PTPRD: variants seen among roughly 807,000 people sequenced by gnomAD.
PTPRD encodes the protein receptor-type tyrosine-protein phosphatase delta.
Under a neutral mutation model 214.5 loss-of-function variants are expected in PTPRD, and 34 were observed. The observed-to-expected ratio is 0.16, with a 90% CI of 0.12 to 0.21. The LOEUF (loss-of-function observed/expected upper bound fraction) is 0.21, where lower values mean the gene tolerates loss of function less well. Among genes scored for constraint, PTPRD ranks in the 10% least tolerant of loss-of-function variants. The probability of loss-of-function intolerance (pLI) is 1.00; values close to 1 mark genes in which losing one functional copy is unlikely to be tolerated. For synonymous variants in PTPRD, 1,128 were observed against 845.7 expected, an observed-to-expected ratio of 1.33 and a Z score of -5.79; for missense variants, 2,545 against 2,398.7, an observed-to-expected ratio of 1.06 and a Z score of -1.27.
At chr9:8,331,459 T>G (rs1426112870) in intron 44 of PTPRD, 123 bp downstream of exon 44, 3 of 1,107,458 alleles carry the variant, frequency 2.7e-6, no homozygotes, top group African/African-American at 1.7e-5. Flanking sequence ...AATCCTGCTT[T>G]AAGTTTTGTA....
At chr9:8,981,778 C>A (rs1296851878) in intron 11 of PTPRD, among the ~76,000 whole-genome samples, 1 of 151,648 alleles carries the variant, frequency 6.6e-6, no homozygotes, top group Non-Finnish European at 1.5e-5. Context: ...TTGCAAAATA[C>A]TATGCAAAAA....
intron 9 of PTPRD, among the ~76,000 whole-genome samples, chr9:9,348,024 T>A (rs1002732907): frequency 1.3e-5 from 2 of 152,194 alleles, no homozygotes; most frequent in Admixed American, 6.6e-5. Flanking sequence ...TGTTTTAGTA[T>A]GCATATTCAT....
intron 5 of PTPRD, among the ~76,000 whole-genome samples, chr9:9,806,908 C>T (rs1339915455): frequency 2.0e-5 from 3 of 152,054 alleles, no homozygotes; most frequent in Non-Finnish European, 4.4e-5. Context: ...CTTGTGGCCC[C>T]TCCCAAGTGC....
chr9:9,719,451 T>C (rs1306763634), intron 7 of PTPRD, among the ~76,000 whole-genome samples: 4 of 152,078 alleles, frequency 2.6e-5, no homozygotes, highest in African/African-American at 9.7e-5. Context: ...TTCTGGGGGC[T>C]CAGACCTCTG....
At chr9:9,766,422 C>G (rs1345725636) in intron 6 of PTPRD, among the ~76,000 whole-genome samples, 1 of 152,098 alleles carries the variant, frequency 6.6e-6, no homozygotes, top group Non-Finnish European at 1.5e-5. Flanking sequence ...CCCCCAAAAC[C>G]TAGATACTTT....
intron 3 of PTPRD, among the ~76,000 whole-genome samples, chr9:10,097,990 G>T (rs1007456171): frequency 1.5e-4 from 22 of 151,652 alleles, no homozygotes; most frequent in South Asian, 2.1e-4. Flanking sequence ...ATCCCATTAC[G>T]GGGTACATAC....
chr9:8,604,231 G>A (rs1390885000), intron 14 of PTPRD, among the ~76,000 whole-genome samples: 1 of 152,162 alleles, frequency 6.6e-6, no homozygotes, highest in Non-Finnish European at 1.5e-5. Flanking sequence ...ATGCTTTAAG[G>A]TATAGTCGAG....
rs964436262 is a variant in PTPRD, at chr9:10,451,510, G to C, written c.-599-110493C>G. On this transcript the variant is annotated intron_variant, in intron 2 of 45. Coordinates refer to ENST00000381196, the MANE Select transcript of PTPRD (RefSeq NM_002839.4). The stretch of plus-strand genomic sequence containing the variant: ...TCTTGGTCCTTTCTACTTCCCGCTT[G>C]TCTGATCTGGTGCATATCTTCAGAC... Among the ~76,000 whole-genome samples the C allele has an allele frequency of 2.6e-5, 4 of 151,514 alleles. No homozygotes were observed. In the East Asian group the frequency reaches 7.8e-4, roughly 29 times the overall value.
At chr9:10,140,723 A>G (rs201274294) in intron 3 of PTPRD, among the ~76,000 whole-genome samples, 10 of 152,102 alleles carry the variant, frequency 6.6e-5, no homozygotes, top group Non-Finnish European at 1.5e-4. Flanking sequence ...ATAGAAAAAA[A>G]AGGGAATCCT....
chr9:8,833,618 C>G (rs902847303), intron 11 of PTPRD, among the ~76,000 whole-genome samples: 9 of 150,454 alleles, frequency 6.0e-5, no homozygotes, highest in Non-Finnish European at 1.0e-4. Context: ...TAAAACTCTA[C>G]TCAGTGAATG....
At chr9:10,016,456 T>C (rs2096718331) in intron 4 of PTPRD, among the ~76,000 whole-genome samples, 1 of 152,058 alleles carries the variant, frequency 6.6e-6, no homozygotes, top group Non-Finnish European at 1.5e-5. Flanking sequence ...GATAAAATGA[T>C]GGTGTCTGTA....
intron 8 of PTPRD, among the ~76,000 whole-genome samples, chr9:9,426,867 A>G (rs1276319446): frequency 1.3e-5 from 2 of 151,990 alleles, no homozygotes; most frequent in Admixed American, 6.6e-5. Context: ...AAGGAAAACT[A>G]ACAAACAGAA....
At chr9:10,395,607 T>C (rs1215980597) in intron 2 of PTPRD, among the ~76,000 whole-genome samples, 4 of 151,966 alleles carry the variant, frequency 2.6e-5, no homozygotes, top group African/African-American at 9.7e-5. Flanking sequence ...GAAACAAATG[T>C]ATATATAACT....
intron 2 of PTPRD, among the ~76,000 whole-genome samples, chr9:10,367,979 T>A (rs571064799): frequency 6.6e-6 from 1 of 152,272 alleles, no homozygotes; most frequent in South Asian, 2.1e-4. Context: ...TTACTGTTAT[T>A]ATTAATTACT....
At chr9:10,550,609 T>C (rs757833280) in intron 2 of PTPRD, among the ~76,000 whole-genome samples, 10 of 152,244 alleles carry the variant, frequency 6.6e-5, no homozygotes, top group East Asian at 5.8e-4. Flanking sequence ...ATTTCACCCA[T>C]TGGTTGAAAA....
chr9:8,394,925 C>T (rs554031626), intron 36 of PTPRD, among the ~76,000 whole-genome samples: 2 of 152,094 alleles, frequency 1.3e-5, no homozygotes, highest in Admixed American at 1.3e-4. Context: ...AAGAAGCTCT[C>T]CTTGGACTTT....
chr9:9,275,970 G>A (rs1404919743), intron 9 of PTPRD, among the ~76,000 whole-genome samples: 1 of 151,206 alleles, frequency 6.6e-6, no homozygotes, highest in African/African-American at 2.4e-5. Flanking sequence ...AAAAGAAATG[G>A]AGAAGAGAAC....
chr9:8,454,443 T>A, intron 33 of PTPRD: 2 of 776,292 alleles, frequency 2.6e-6, no homozygotes, highest in South Asian at 3.2e-5. Flanking sequence ...TGTGTATATG[T>A]AGGCTTTGCC....
chr9:8,553,914 C>T (rs556168508), intron 14 of PTPRD, among the ~76,000 whole-genome samples: 40 of 152,266 alleles, frequency 2.6e-4, no homozygotes, highest in African/African-American at 3.4e-4. Context: ...ATTAGCCGGG[C>T]GCGGTGGCTC....
Sources: allele counts gnomAD v4.1 joint callset (sites outside exome capture counted in the v4.1 genomes callset), GRCh38; gene constraint gnomAD v4.1.1; transcripts MANE v1.5; gene names NCBI Gene and HGNC (gene_info 2026-07-23, HGNC 2026-07-21).